Variants in PCDHGB5 observed in about 807,000 individuals in gnomAD.
PCDHGB5 encodes the protein protocadherin gamma subfamily B, 5, also known as protocadherin gamma-B5.
In PCDHGB5, 48 loss-of-function variants were observed where a neutral mutation model predicts 62.9. That is an observed-to-expected ratio of 0.76 (90% CI 0.61 to 0.97). The LOEUF (loss-of-function observed/expected upper bound fraction) is 0.97. Ranked by LOEUF, PCDHGB5 falls within the 50% of genes least tolerant of loss-of-function variation. PCDHGB5 has a pLI of 0.00. For missense variants in PCDHGB5, 1,118 were observed against 1,198.6 expected (o/e 0.93, Z 0.99); for synonymous variants, 474 against 511.2 (o/e 0.93, Z 0.98).
chr5:141,485,060 G>C lies in PCDHGB5; in HGVS notation c.2398-9747G>C. ...ACCCTTGCGGCGCCGGCCGAACCGCGCCAGAGCTGGCGCGGGGAAAGGGAG... is the reference window on the plus strand; with the variant it reads ...ACCCTTGCGGCGCCGGCCGAACCGCCCCAGAGCTGGCGCGGGGAAAGGGAG... On this transcript the variant is annotated intron_variant, in intron 1 of 3. Transcript: ENST00000617380. This position sits in a 1 kb window ranked among gnomAD's most constrained non-coding sequence, Gnocchi z 5.7. 1 of 862,304 alleles carries C rather than the reference G, an allele frequency of 1.2e-6. No individual in the cohort carries two copies. The highest frequency in any genetic ancestry group is 1.9e-6 in the Non-Finnish European group (1 of 540,422). 53.4% of individuals were successfully genotyped at this position (862,304 alleles called of 1,614,324 possible).
At position 141,491,660 on chromosome 5, in the gene PCDHGB5, C is replaced by A; in HGVS notation, c.2398-3147C>A. ...ACAGCTCTGGCGCTGGAGCCTGACGCCATCCGGTCCCGCTCTAATACGCTG... is the reference window on the plus strand; with the variant it reads ...ACAGCTCTGGCGCTGGAGCCTGACGACATCCGGTCCCGCTCTAATACGCTG... On this transcript the variant is annotated intron_variant, in intron 1 of 3. Transcript: ENST00000617380. The surrounding 1 kb of genome is among the most constrained non-coding windows in gnomAD (Gnocchi z 6.9). The A allele has an allele frequency of 6.2e-7, 1 of 1,613,810 alleles. No individual in the cohort carries two copies. The highest frequency in any genetic ancestry group is 8.5e-7 in the Non-Finnish European group (1 of 1,180,008).
At chr5:141,404,912 C>T (rs761969782) in intron 1 of PCDHGB5, 31 of 1,613,946 alleles carry the variant, frequency 1.9e-5, no homozygotes, top group Non-Finnish European at 2.5e-5. Flanking sequence ...CCAGCCCCCT[C>T]TCTCGGCCAC....
intron 1 of PCDHGB5, among the ~76,000 whole-genome samples, chr5:141,407,684 G>C (rs2094967978): frequency 6.6e-6 from 1 of 152,094 alleles, no homozygotes; most frequent in South Asian, 2.1e-4. Flanking sequence ...GATTGGCTTT[G>C]TGGTGATCAT....
chr5:141,499,485 A>G (rs1278629076), intron 2 of PCDHGB5, among the ~76,000 whole-genome samples: 2 of 152,226 alleles, frequency 1.3e-5, no homozygotes, highest in Non-Finnish European at 2.9e-5. Flanking sequence ...ACCACCAACT[A>G]CAGTTTAATA....
chr5:141,419,333 A>G, intron 1 of PCDHGB5: 2 of 1,613,804 alleles, frequency 1.2e-6, no homozygotes, highest in South Asian at 1.1e-5. Context: ...CTACTCTCTC[A>G]TTGCCAGCGA....
At chr5:141,423,173 A>T (rs2096717258) in intron 1 of PCDHGB5, 1 of 1,613,330 alleles carries the variant, frequency 6.2e-7, no homozygotes, top group South Asian at 1.1e-5. Flanking sequence ...GCCGTCCAGG[A>T]CCACGGCCAG....
At chr5:141,405,246 A>G (rs1163477660) in intron 1 of PCDHGB5, 10 of 1,614,126 alleles carry the variant, frequency 6.2e-6, no homozygotes, top group Non-Finnish European at 8.5e-6. Flanking sequence ...GACTCAAGGA[A>G]GAGTCACCTG....
Position 141,485,713 on chromosome 5 carries a change from G to T in PCDHGB5, c.2398-9094G>T. On this transcript the variant is annotated intron_variant, in intron 1 of 3. Transcript: ENST00000617380. The surrounding 1 kb of genome is among the most constrained non-coding windows in gnomAD (Gnocchi z 5.7). ...TGAGCTCCAATGAACACTTTGCACT[G>T]GATGTGAAGAAGCGCAGCGACGGCA... 1 of 1,614,202 alleles carries T rather than the reference G, an allele frequency of 6.2e-7. No individual in the cohort carries two copies. The highest frequency in any genetic ancestry group is 8.5e-7 in the Non-Finnish European group (1 of 1,180,038).
At chr5:141,410,340 T>G in intron 1 of PCDHGB5, 1 of 1,614,068 alleles carries the variant, frequency 6.2e-7, no homozygotes, top group Non-Finnish European at 8.5e-7. Flanking sequence ...GCCATTGCCT[T>G]GCGCCTGCGA....
chr5:141,398,909 T>A lies in PCDHGB5; in HGVS notation c.782T>A (p.Val261Glu). The part of the protein sequence containing the change: ...LRENVPPGTT[V>E]LQVSATDQDE... ...GAAAACGTGCCACCAGGCACCACTG[T>A]GTTGCAAGTGTCAGCCACTGACCAA... Residue 261 changes from valine (V) to glutamate (E), a missense_variant, in exon 1 of 4, where the codon GTG becomes GAG. Physicochemically the swap from Val to Glu is moderately radical, Grantham distance 121. This residue lies in a region of PCDHGB5 where 1,034 missense variants were observed against 1,029.1 expected (regional missense o/e 1.00). Coordinates refer to ENST00000617380, the MANE Select transcript of PCDHGB5 (RefSeq NM_018925.3). The A allele has an allele frequency of 6.2e-7, 1 of 1,613,984 alleles. No homozygotes were observed. Among genetic ancestry groups the A allele is most frequent in the Non-Finnish European group, 8.5e-7 (1 of 1,179,886 alleles).
chr5:141,427,205 C>T lies in PCDHGB5; in HGVS notation c.2397+26681C>T, dbSNP rs73280903. 3.4e-3 allele frequency: 1,562 copies of T among 456,606 alleles called. 21 individuals carry two copies. Among genetic ancestry groups the T allele is most frequent in the African/African-American group, 0.028 (1,422 of 50,136 alleles). 28.3% of individuals were successfully genotyped at this position (456,606 alleles called of 1,614,324 possible). Reference sequence around the variant, plus strand: ...TTAAATCCAAAGACTTAATAGACTTCGAATTTCGTAGCAGTTATACCATGA... The same window carrying T: ...TTAAATCCAAAGACTTAATAGACTTTGAATTTCGTAGCAGTTATACCATGA... On this transcript the variant is annotated intron_variant, in intron 1 of 3. Transcript: ENST00000617380.
intron 1 of PCDHGB5, among the ~76,000 whole-genome samples, chr5:141,461,233 G>T (rs2099011336): frequency 6.6e-6 from 1 of 152,028 alleles, no homozygotes; most frequent in East Asian, 1.9e-4. Context: ...CATAGAGGTT[G>T]TACTAATTTA....
Position 141,486,494 on chromosome 5 carries a change from A to G in PCDHGB5, c.2398-8313A>G, listed in dbSNP as rs375607204. 9.3e-6 allele frequency: 15 copies of G among 1,614,058 alleles called. No individual in the cohort carries two copies. The highest frequency in any genetic ancestry group is 1.3e-5 in the Non-Finnish European group (15 of 1,179,958). ...CCCTCCTCTCAGTACCCACAGAACT[A>G]TTTTCCTCAATATTTCAGATGTGAA... On this transcript the variant is annotated intron_variant, in intron 1 of 3. Transcript: ENST00000617380. The surrounding 1 kb of genome is among the most constrained non-coding windows in gnomAD (Gnocchi z 5.0).
intron 1 of PCDHGB5, chr5:141,418,919 G>C: frequency 6.2e-7 from 1 of 1,614,016 alleles, no homozygotes. Flanking sequence ...GTCACTCTCT[G>C]ATCAGATTAT....
rs1304554303 is a variant in PCDHGB5, at chr5:141,403,611, C to G, written c.2397+3087C>G. 3 of 1,613,860 alleles carry G rather than the reference C, an allele frequency of 1.9e-6. No homozygotes were observed. The highest frequency in any genetic ancestry group is 2.5e-6 in the Non-Finnish European group (3 of 1,179,892). Reference sequence around the variant, plus strand: ...CTCACGGCCTCGGATGGCGGCGAGCCGCGTCGCTCCAGCACAGTGCGCATC... The same window carrying G: ...CTCACGGCCTCGGATGGCGGCGAGCGGCGTCGCTCCAGCACAGTGCGCATC... On this transcript the variant is annotated intron_variant, in intron 1 of 3. Transcript: ENST00000617380.
At chr5:141,459,245 C>G (rs1040972875) in intron 1 of PCDHGB5, among the ~76,000 whole-genome samples, 1 of 152,180 alleles carries the variant, frequency 6.6e-6, no homozygotes, top group African/African-American at 2.4e-5. Context: ...TGCTTCCTGT[C>G]ACTATAAATT....
intron 1 of PCDHGB5, among the ~76,000 whole-genome samples, chr5:141,439,391 G>A (rs880080): frequency 0.036 from 5,494 of 152,210 alleles, 123 homozygotes; most frequent in South Asian, 0.078. Context: ...TCATCACTTC[G>A]ACTTCATGTG....
At chr5:141,420,218 C>T (rs762476625) in intron 1 of PCDHGB5, 11 of 1,608,290 alleles carry the variant, frequency 6.8e-6, no homozygotes, top group Admixed American at 1.7e-5. Flanking sequence ...AGATAGCATG[C>T]TACTGGCTAG....
Position 141,399,109 on chromosome 5 carries a change from A to G in PCDHGB5, c.982A>G (p.Thr328Ala), listed in dbSNP as rs1346301996. Reference protein sequence around the residue: ...RDGGGLVAQCTVEINIQDEND... With the variant: ...RDGGGLVAQCAVEINIQDEND... ...TGGTGGTGGACTGGTTGCACAATGT[A>G]CAGTTGAAATTAATATTCAAGATGA... is the stretch of plus-strand genomic sequence containing the variant. The change falls in exon 1 of 4, where the codon ACA becomes GCA. Residue 328 changes from threonine (T) to alanine (A), a missense_variant. Physicochemically the swap from Thr to Ala is moderately conservative, Grantham distance 58. Around this residue, in one of 2 missense-constraint regions of PCDHGB5, gnomAD observed 1,034 missense variants for 1,029.1 expected, o/e 1.00. Coordinates refer to ENST00000617380, the MANE Select transcript of PCDHGB5 (RefSeq NM_018925.3). The G allele has an allele frequency of 2.5e-6, 4 of 1,613,714 alleles. No homozygotes were observed. The highest frequency in any genetic ancestry group is 3.3e-5 in the Admixed American group (2 of 60,012).
Sources: allele counts gnomAD v4.1 joint callset (sites outside exome capture counted in the v4.1 genomes callset), GRCh38; gene constraint gnomAD v4.1.1; regional missense constraint gnomAD v4.1.1; non-coding constraint Gnocchi (gnomAD v3.1); transcripts MANE v1.5; gene names NCBI Gene and HGNC (gene_info 2026-07-23, HGNC 2026-07-21).